Variants in RMDN2 observed in about 807,000 individuals in gnomAD.
The protein encoded by RMDN2 is regulator of microtubule dynamics 2, also known as regulator of microtubule dynamics protein 2.
RMDN2 carries 61 observed loss-of-function variants against 52.8 expected under a neutral mutation model. That is an observed-to-expected ratio of 1.16 (90% CI 0.94 to 1.43). The LOEUF is 1.43. RMDN2 is among the 40% of genes most tolerant of loss of function. The probability of loss-of-function intolerance (pLI) is 0.00; values close to 1 mark genes in which losing one functional copy is unlikely to be tolerated. For synonymous variants in RMDN2, 180 were observed against 153.1 expected (o/e 1.18, Z -1.30); for missense variants, 592 against 475.3 (o/e 1.25, Z -2.28).
At chr2:38,002,280 A>G (rs539507725) in intron 8 of RMDN2, among the ~76,000 whole-genome samples, 1 of 152,352 alleles carries the variant, frequency 6.6e-6, no homozygotes, top group Admixed American at 6.5e-5. Flanking sequence ...ACAGGAATAA[A>G]CACACATGTA....
At chr2:37,952,017 C>A in intron 2 of RMDN2, 1 of 1,612,484 alleles carries the variant, frequency 6.2e-7, no homozygotes, top group South Asian at 1.1e-5. Context: ...GATTCCACAG[C>A]ATCCCTCTCA....
intron 4 of RMDN2, among the ~76,000 whole-genome samples, chr2:37,976,763 T>C (rs908613057): frequency 1.3e-5 from 2 of 152,176 alleles, no homozygotes; most frequent in Non-Finnish European, 2.9e-5. Flanking sequence ...GGATTTATTT[T>C]CATATCTACT....
At chr2:37,936,961 C>G (rs1360969775) in intron 2 of RMDN2, among the ~76,000 whole-genome samples, 1 of 152,172 alleles carries the variant, frequency 6.6e-6, no homozygotes, top group Non-Finnish European at 1.5e-5. Flanking sequence ...GTCATGAAGT[C>G]TTTGCTCATG....
chr2:38,062,347 T>C (rs558099589), intron 10 of RMDN2, among the ~76,000 whole-genome samples: 2 of 152,370 alleles, frequency 1.3e-5, no homozygotes, highest in African/African-American at 4.8e-5. Flanking sequence ...AGCTGACTTA[T>C]TTTACTCAAC....
At chr2:38,044,688 C>G (rs866257538) in intron 10 of RMDN2, among the ~76,000 whole-genome samples, 1 of 151,954 alleles carries the variant, frequency 6.6e-6, no homozygotes, top group African/African-American at 2.4e-5. Context: ...GATGAACTAT[C>G]AAAGAATTCT....
At chr2:38,049,800 C>T (rs1339453769) in intron 10 of RMDN2, among the ~76,000 whole-genome samples, 1 of 152,134 alleles carries the variant, frequency 6.6e-6, no homozygotes, top group Non-Finnish European at 1.5e-5. Context: ...AACTCCTGGT[C>T]TCAAGTGATC....
chr2:38,000,522 A>T (rs1428370293), intron 8 of RMDN2, among the ~76,000 whole-genome samples: 2 of 152,220 alleles, frequency 1.3e-5, no homozygotes, highest in African/African-American at 2.4e-5. Flanking sequence ...TCCTGCCCCA[A>T]GTAACCACTG....
intron 5 of RMDN2, 142 bp downstream of exon 5, chr2:37,981,485 T>C (rs1673307768): frequency 5.0e-6 from 3 of 601,384 alleles, no homozygotes; most frequent in South Asian, 4.3e-5. Context: ...GCACAGTAAC[T>C]GTTCTTATTC....
At chr2:38,042,798 T>G (rs569574206) in intron 10 of RMDN2, among the ~76,000 whole-genome samples, 2 of 152,330 alleles carry the variant, frequency 1.3e-5, no homozygotes, top group African/African-American at 2.4e-5. Context: ...TCCTAAATAT[T>G]TGGGATTTTC....
Position 37,951,797 on chromosome 2 carries a change from T to C in RMDN2, c.452+22068T>C, listed in dbSNP as rs201710885. 755 of 1,613,586 alleles carry C rather than the reference T, an allele frequency of 4.7e-4. 1 individual carries two copies. The highest frequency in any genetic ancestry group is 5.3e-4 in the Non-Finnish European group (624 of 1,179,694). ...ATTTTAAGAATTTTGAAACAAACAC[T>C]ACTTCTCCAGCCTTTGGGAACACTA... is the stretch of plus-strand genomic sequence containing the variant. On this transcript the variant is annotated intron_variant, in intron 2 of 10. Transcript: ENST00000354545.
chr2:37,972,049 C>T (rs927925180), intron 2 of RMDN2, among the ~76,000 whole-genome samples: 2 of 152,036 alleles, frequency 1.3e-5, no homozygotes, highest in Non-Finnish European at 2.9e-5. Context: ...TAATTTTCTC[C>T]ATTGAATTTT....
Position 37,974,309 on chromosome 2 carries a change from C to T in RMDN2, c.627+95C>T. On this transcript the variant is annotated intron_variant, in intron 3 of 10. Transcript: ENST00000354545. Reference sequence around the variant, plus strand: ...TAACTATAATAATTGTGTCATGGTTCCCACATTTTGATGATTGATGTAAAA... The same window carrying T: ...TAACTATAATAATTGTGTCATGGTTTCCACATTTTGATGATTGATGTAAAA... 6 of 770,120 alleles carry T rather than the reference C, an allele frequency of 7.8e-6. No individual in the cohort carries two copies. In the South Asian group the frequency reaches 2.7e-4, roughly 35 times the overall value. 47.7% of individuals were successfully genotyped at this position (770,120 alleles called of 1,614,324 possible).
chr2:37,934,027 C>T (rs1270634110), intron 2 of RMDN2, among the ~76,000 whole-genome samples: 2 of 152,126 alleles, frequency 1.3e-5, no homozygotes, highest in Non-Finnish European at 2.9e-5. Context: ...GTGGGATGTG[C>T]TCTTCATACA....
chr2:37,955,601 C>A (rs966360800), intron 2 of RMDN2, among the ~76,000 whole-genome samples: 2 of 152,064 alleles, frequency 1.3e-5, no homozygotes, highest in East Asian at 1.9e-4. Context: ...GGGGGCCGAT[C>A]TTTCCTGTGC....
chr2:38,052,698 C>T (rs1324040723), intron 10 of RMDN2, among the ~76,000 whole-genome samples: 1 of 152,106 alleles, frequency 6.6e-6, no homozygotes, highest in Non-Finnish European at 1.5e-5. Flanking sequence ...GATGCTTATC[C>T]TCAGACAACT....
intron 10 of RMDN2, among the ~76,000 whole-genome samples, chr2:38,006,750 G>A (rs1270616103): frequency 1.3e-5 from 2 of 152,180 alleles, no homozygotes; most frequent in Non-Finnish European, 1.5e-5. Flanking sequence ...TGTTGAATAG[G>A]AGTGGTGAGA....
rs929781282 is a variant in RMDN2 at position 37,957,705 on chromosome 2, A to C, written c.453-16335A>C. On this transcript the variant is annotated intron_variant, in intron 2 of 10. Coordinates refer to ENST00000354545, the MANE Select transcript of RMDN2 (RefSeq NM_001170791.3). ...TGCAATTGCTTTTGGTGTTTTAGTC[A>C]TGAAGTTTTTGCCCATGCCTATGTC... Among the ~76,000 whole-genome samples, 8 of 152,288 alleles carry C rather than the reference A, an allele frequency of 5.3e-5. No homozygotes were observed. The East Asian group carries it at 1.3e-3, about 26-fold the overall frequency.
At chr2:38,053,147 G>A (rs1258316093) in intron 10 of RMDN2, among the ~76,000 whole-genome samples, 1 of 152,096 alleles carries the variant, frequency 6.6e-6, no homozygotes, top group Non-Finnish European at 1.5e-5. Context: ...GTAAGAGTGA[G>A]GGTGGTTGAC....
At chr2:38,006,019 G>A (rs148678284) in intron 10 of RMDN2, among the ~76,000 whole-genome samples, 18,253 of 152,158 alleles carry the variant, frequency 0.12, 1,351 homozygotes, top group Non-Finnish European at 0.16. Context: ...TTGTAGATAT[G>A]CAGCATTATT....
Sources: allele counts gnomAD v4.1 joint callset (sites outside exome capture counted in the v4.1 genomes callset), GRCh38; gene constraint gnomAD v4.1.1; transcripts MANE v1.5; gene names NCBI Gene and HGNC (gene_info 2026-07-23, HGNC 2026-07-21).